GSG1L: variants seen among roughly 807,000 people sequenced by gnomAD.
GSG1L encodes GSG1 like.
A neutral mutation model predicts 42.1 loss-of-function variants in GSG1L; 24 were observed. That is an observed-to-expected ratio of 0.57 (90% CI 0.41 to 0.80). GSG1L has a LOEUF of 0.80. Among genes scored for constraint, GSG1L ranks in the 30% least tolerant of loss-of-function variants. GSG1L has a pLI of 0.00. For synonymous variants in GSG1L, 215 were observed against 203.5 expected, an observed-to-expected ratio of 1.06 and a Z score of -0.48; for missense variants, 445 against 472.2, an observed-to-expected ratio of 0.94 and a Z score of 0.53.
intron 1 of GSG1L, among the ~76,000 whole-genome samples, chr16:28,046,052 G>C (rs2086154686): frequency 6.6e-6 from 1 of 152,114 alleles, no homozygotes; most frequent in Admixed American, 6.5e-5. Flanking sequence ...ATTCCATCAT[G>C]AAATTCTCTA....
intron 3 of GSG1L, among the ~76,000 whole-genome samples, chr16:27,878,341 C>G (rs2083912350): frequency 6.6e-6 from 1 of 152,106 alleles, no homozygotes. Context: ...GCAAACATGC[C>G]CTTCTTCACA....
chr16:27,964,409 C>T (rs1428316520), intron 1 of GSG1L, among the ~76,000 whole-genome samples: 1 of 152,132 alleles, frequency 6.6e-6, no homozygotes, highest in African/African-American at 2.4e-5. Context: ...TTGATGAGCC[C>T]CTTCCTAAAT....
chr16:27,844,703 A>T (rs989174504), intron 4 of GSG1L, among the ~76,000 whole-genome samples: 5 of 152,216 alleles, frequency 3.3e-5, no homozygotes, highest in Admixed American at 2.6e-4. Context: ...AGCAGTTAAA[A>T]ATCCAAAAGC....
intron 6 of GSG1L, among the ~76,000 whole-genome samples, chr16:27,804,037 G>GGATAGATAGA (rs1555500772): frequency 7.5e-5 from 10 of 132,784 alleles, no homozygotes; most frequent in African/African-American, 2.8e-4. Flanking sequence ...TAGATTAGAT[G>GGATAGATAGA]GATAGATAGA....
At chr16:27,836,248 A>C (rs577394991) in intron 4 of GSG1L, among the ~76,000 whole-genome samples, 4 of 149,064 alleles carry the variant, frequency 2.7e-5, no homozygotes, top group African/African-American at 9.9e-5. Flanking sequence ...CCCTGTAGTT[A>C]GGGAGGATGT....
intron 5 of GSG1L, among the ~76,000 whole-genome samples, chr16:27,808,670 C>T (rs1462559001): frequency 2.6e-5 from 4 of 152,172 alleles, no homozygotes; most frequent in African/African-American, 7.2e-5. Flanking sequence ...CCATCCACCT[C>T]GGCCTCCCAA....
chr16:27,985,079 T>C (rs2141129210), intron 1 of GSG1L, among the ~76,000 whole-genome samples: 1 of 152,154 alleles, frequency 6.6e-6, no homozygotes, highest in South Asian at 2.1e-4. Flanking sequence ...ATTTTTGCTC[T>C]TGCTCTTCCA....
At chr16:28,056,787 G>A (rs979039459) in intron 1 of GSG1L, among the ~76,000 whole-genome samples, 6 of 152,042 alleles carry the variant, frequency 3.9e-5, no homozygotes, top group African/African-American at 1.4e-4. Flanking sequence ...GGGAGCCAGC[G>A]TCCCAGCAGG....
intron 1 of GSG1L, among the ~76,000 whole-genome samples, chr16:28,052,754 G>T (rs2086233990): frequency 6.6e-6 from 1 of 152,216 alleles, no homozygotes; most frequent in Admixed American, 6.5e-5. Flanking sequence ...CAACAGCATA[G>T]CCCAGGCTGC....
At chr16:27,944,600 T>A (rs12922079) in intron 2 of GSG1L, among the ~76,000 whole-genome samples, 1 of 147,558 alleles carries the variant, frequency 6.8e-6, no homozygotes, top group African/African-American at 2.5e-5. Context: ...CCAGCCTGGG[T>A]GACAGAGTGA....
Position 28,059,849 on chromosome 16 carries a change from G to C in GSG1L, c.349+3227C>G, listed in dbSNP as rs2086321195. On this transcript the variant is annotated intron_variant, in intron 1 of 6. Coordinates refer to ENST00000447459, the MANE Select transcript of GSG1L (RefSeq NM_001109763.2). The surrounding 1 kb of genome is among the most constrained non-coding windows in gnomAD (Gnocchi z 4.4). ...AAGGAGAAAAGGTTTCTTTGTGCAG[G>C]GTCTGGTGAAAGTGTGTCTGTTTAG... Among the ~76,000 whole-genome samples, 1 of 152,154 alleles carries C rather than the reference G, an allele frequency of 6.6e-6. No homozygotes were observed. Among genetic ancestry groups the C allele is most frequent in the East Asian group, 1.9e-4 (1 of 5,188 alleles).
chr16:28,032,977 C>G (rs1007847759), intron 1 of GSG1L, among the ~76,000 whole-genome samples: 3 of 152,204 alleles, frequency 2.0e-5, no homozygotes, highest in African/African-American at 7.2e-5. Flanking sequence ...CGTCCTGTCA[C>G]CTTCCTGCTT....
intron 4 of GSG1L, among the ~76,000 whole-genome samples, chr16:27,830,587 G>A (rs892738516): frequency 1.3e-5 from 2 of 151,804 alleles, no homozygotes; most frequent in African/African-American, 2.4e-5. Context: ...AGCCCTGACT[G>A]TCTGTAATAG....
At chr16:27,880,969 T>G (rs1350424317) in intron 3 of GSG1L, among the ~76,000 whole-genome samples, 1 of 151,704 alleles carries the variant, frequency 6.6e-6, no homozygotes, top group Non-Finnish European at 1.5e-5. Flanking sequence ...CCCCTTCCAC[T>G]TCTTCCCTAT....
At chr16:28,048,925 A>C (rs1364475714) in intron 1 of GSG1L, among the ~76,000 whole-genome samples, 1 of 152,250 alleles carries the variant, frequency 6.6e-6, no homozygotes, top group African/African-American at 2.4e-5. Flanking sequence ...TTTTTAAAAA[A>C]GATGGAGGAG....
chr16:27,990,073 T>C (rs940579405), intron 1 of GSG1L, among the ~76,000 whole-genome samples: 13 of 152,324 alleles, frequency 8.5e-5, no homozygotes, highest in Non-Finnish European at 1.5e-4. Context: ...AATTAGCTGA[T>C]GTGTTTATGA....
At position 27,962,850 on chromosome 16, in the gene GSG1L, C is replaced by A. The variant is rs1038931318; in HGVS notation, c.397+306G>T. Among the ~76,000 whole-genome samples the A allele has an allele frequency of 2.0e-5, 3 of 152,192 alleles. No homozygotes were observed. In the East Asian group the frequency reaches 5.8e-4, roughly 29 times the overall value. On this transcript the variant is annotated intron_variant, in intron 2 of 6. Transcript: ENST00000447459. Reference sequence around the variant, plus strand: ...ACCCCAACACCAGTCTTGCCTGAACCAAACGTCCACACCCCCATCATCCCT... The same window carrying A: ...ACCCCAACACCAGTCTTGCCTGAACAAAACGTCCACACCCCCATCATCCCT...
intron 1 of GSG1L, among the ~76,000 whole-genome samples, chr16:28,012,729 A>AT (rs2085735983): frequency 6.6e-6 from 1 of 151,996 alleles, no homozygotes; most frequent in Non-Finnish European, 1.5e-5. Context: ...CTATGAAAAA[A>AT]TTTTTAAAAT....
chr16:27,995,606 A>G (rs898139981), intron 1 of GSG1L, among the ~76,000 whole-genome samples: 1 of 152,074 alleles, frequency 6.6e-6, no homozygotes, highest in African/African-American at 2.4e-5. Context: ...AAAACCACAA[A>G]GATAATTGTC....
Sources: gnomAD v4.1 joint callset for allele counts (sites outside exome capture counted in the v4.1 genomes callset) on GRCh38, gnomAD v4.1.1 for gene constraint, Gnocchi (gnomAD v3.1) non-coding constraint, MANE v1.5 for transcripts, NCBI Gene and HGNC (gene_info 2026-07-23, HGNC 2026-07-21) for gene names.